CACNA1S: variants seen among roughly 807,000 people sequenced by gnomAD.
CACNA1S encodes the protein voltage-dependent L-type calcium channel subunit alpha-1S.
Under a neutral mutation model 207.4 loss-of-function variants are expected in CACNA1S, and 126 were observed. The observed-to-expected ratio is 0.61, with a 90% CI of 0.53 to 0.70. The LOEUF is 0.70. Ranked by LOEUF, CACNA1S falls within the 30% of genes least tolerant of loss-of-function variation. The pLI is 0.00. For synonymous variants in CACNA1S, 960 were observed against 932.7 expected, an observed-to-expected ratio of 1.03 and a Z score of -0.53; for missense variants, 2,349 against 2,422.8, an observed-to-expected ratio of 0.97 and a Z score of 0.64.
chr1:201,095,121 G>GGTGTGTTT (rs1662371498), intron 2 of CACNA1S, among the ~76,000 whole-genome samples: 1 of 148,860 alleles, frequency 6.7e-6, no homozygotes, highest in African/African-American at 2.5e-5. Context: ...AGCTCCAGGA[G>GGTGTGTTT]GTGTGTGTGT....
chr1:201,060,530 A>G (rs1486536191), intron 26 of CACNA1S, 128 bp downstream of exon 26: 2 of 963,526 alleles, frequency 2.1e-6, no homozygotes, highest in Non-Finnish European at 3.3e-6. Context: ...TCCATGTAGC[A>G]CCTCAGCACA....
intron 28 of CACNA1S, among the ~76,000 whole-genome samples, chr1:201,058,126 C>G (rs542480336): frequency 6.6e-6 from 1 of 152,208 alleles, no homozygotes; most frequent in Non-Finnish European, 1.5e-5. Context: ...CTCCATGAAG[C>G]CTTCTCTGAC....
At chr1:201,079,711 C>T (rs1005381728) in intron 10 of CACNA1S, among the ~76,000 whole-genome samples, 5 of 152,162 alleles carry the variant, frequency 3.3e-5, no homozygotes, top group African/African-American at 9.7e-5. Context: ...TTGCCCCAAA[C>T]ATTGAAAGGA....
chr1:201,058,547 T>C (rs1660929243), intron 27 of CACNA1S, 56 bp from the exon 28 acceptor site: 2 of 1,381,190 alleles, frequency 1.4e-6, no homozygotes, highest in Admixed American at 1.7e-5. Context: ...GAAGGAGCTC[T>C]GGCTGCTGGC....
chr1:201,073,013 C>A (rs1278457587), intron 15 of CACNA1S, among the ~76,000 whole-genome samples, 189 bp from the exon 16 acceptor site: 6 of 152,218 alleles, frequency 3.9e-5, no homozygotes, highest in Non-Finnish European at 7.3e-5. Flanking sequence ...AGACAACTTG[C>A]AAAAGCTCCC....
At chr1:201,107,018 G>C (rs1662919778) in intron 2 of CACNA1S, among the ~76,000 whole-genome samples, 1 of 152,196 alleles carries the variant, frequency 6.6e-6, no homozygotes, top group South Asian at 2.1e-4. Flanking sequence ...AAGTGGCCCA[G>C]GACCCCAGAG....
chr1:201,061,798 AC>A (rs1572035632), intron 24 of CACNA1S, 145 bp downstream of exon 24: 1 of 937,876 alleles, frequency 1.1e-6, no homozygotes, highest in East Asian at 2.5e-5. Context: ...CAGTCAACAT[AC>A]CATCAAACCA....
rs1418987899 is a variant in CACNA1S at position 201,077,932 on chromosome 1, C to T, written c.1566G>A (p.Leu522=). 1 of 1,614,112 alleles carries T rather than the reference C, an allele frequency of 6.2e-7. No homozygotes were observed. Among genetic ancestry groups the T allele is most frequent in the Non-Finnish European group, 8.5e-7 (1 of 1,179,972 alleles). ...LLVESGAMTP[L]GISVLRCIRL... is the part of the protein sequence containing the mutation. ...GGATGCAGCGGAGCACGGAGATGCC[C>T]AGGGGTGTCATGGCACCCGACTCCA... The change falls in exon 11 of 44, where the codon CTG becomes CTA. Residue 522 remains leucine, a synonymous_variant. Transcript: ENST00000362061.
At chr1:201,056,812 T>C (rs117919460) in intron 28 of CACNA1S, among the ~76,000 whole-genome samples, 3,050 of 152,264 alleles carry the variant, frequency 0.02, 104 homozygotes, top group East Asian at 0.12. Context: ...TTTCATCCCC[T>C]TCATAAGGCA....
intron 21 of CACNA1S, 38 bp from the exon 22 acceptor site, chr1:201,065,983 C>A: frequency 1.4e-6 from 2 of 1,403,746 alleles, no homozygotes; most frequent in Non-Finnish European, 2.0e-6. Context: ...GGGGGTGCAC[C>A]CACAGTAACC....
rs1264794005 is a variant in CACNA1S, at chr1:201,112,182, G to A, written c.152+6C>T. ...CCCCCCCCACGGCCCGGGCCCTGAA[G>A]GATACTTCCATTCTACAATGCTGAT... On this transcript the variant is annotated splice_donor_region_variant and intron_variant, in intron 1 of 43. Coordinates refer to ENST00000362061, the MANE Select transcript of CACNA1S (RefSeq NM_000069.3). 2 of 1,612,638 alleles carry A rather than the reference G, an allele frequency of 1.2e-6. No individual in the cohort carries two copies. Among genetic ancestry groups the A allele is most frequent in the South Asian group, 1.1e-5 (1 of 91,034 alleles).
intron 33 of CACNA1S, 114 bp downstream of exon 33, chr1:201,050,870 C>A (rs1660623694): frequency 8.9e-7 from 1 of 1,126,348 alleles, no homozygotes; most frequent in African/African-American, 1.5e-5. Context: ...CCTCCTGCGT[C>A]CCCGAGATGA....
In CACNA1S at chr1:201,040,698, G is replaced by T; in HGVS notation, c.5150C>A (p.Pro1717His). ...CAGTCCCTTCAGCATCTCCACACAG[G>T]GTTTGCTGTGGGGTCCTGTATGCAA... ...PCRVLGPHSK[P>H]CVEMLKGLLT... Residue 1717 changes from proline to histidine, a missense_variant, in exon 42 of 44, where the codon CCC (proline) becomes CAC (histidine). Physicochemically the swap from Pro to His is moderately conservative, Grantham distance 77. Coordinates refer to ENST00000362061, the MANE Select transcript of CACNA1S (RefSeq NM_000069.3). The T allele has an allele frequency of 6.2e-7, 1 of 1,613,910 alleles. No homozygotes were observed. Among genetic ancestry groups the T allele is most frequent in the East Asian group, 2.2e-5 (1 of 44,862 alleles).
chr1:201,052,465 A>G (rs1247673112), intron 32 of CACNA1S, 92 bp downstream of exon 32: 6 of 1,014,344 alleles, frequency 5.9e-6, no homozygotes, highest in Non-Finnish European at 9.4e-6. Flanking sequence ...TCACACACCC[A>G]TGAAGCCAGC....
intron 16 of CACNA1S, among the ~76,000 whole-genome samples, chr1:201,072,215 A>G (rs1371192411): frequency 3.9e-5 from 6 of 152,064 alleles, no homozygotes; most frequent in African/African-American, 1.4e-4. Context: ...TGCATTTATG[A>G]GATGTTTGTG....
intron 22 of CACNA1S, among the ~76,000 whole-genome samples, chr1:201,065,222 G>T (rs1661199691): frequency 6.6e-6 from 1 of 152,214 alleles, no homozygotes; most frequent in Non-Finnish European, 1.5e-5. Context: ...TTCAGTTGAA[G>T]CAAATTCACT....
At chr1:201,062,136 C>G in intron 23 of CACNA1S, 46 bp from the exon 24 acceptor site, 2 of 1,600,604 alleles carry the variant, frequency 1.2e-6, no homozygotes, top group East Asian at 2.3e-5. Flanking sequence ...GGCTGGGCTG[C>G]CTTGCCCCAC....
At chr1:201,091,317 A>G (rs1424132944) in intron 5 of CACNA1S, among the ~76,000 whole-genome samples, 1 of 152,248 alleles carries the variant, frequency 6.6e-6, no homozygotes, top group Non-Finnish European at 1.5e-5. Flanking sequence ...GTACACATAG[A>G]AATTCAAGCT....
chr1:201,104,965 C>G (rs1179074515), intron 2 of CACNA1S, among the ~76,000 whole-genome samples: 1 of 152,244 alleles, frequency 6.6e-6, no homozygotes, highest in African/African-American at 2.4e-5. Context: ...GCCTCATGGG[C>G]ATTCAGTGTG....
Sources: gnomAD v4.1 joint callset for allele counts (sites outside exome capture counted in the v4.1 genomes callset) on GRCh38, gnomAD v4.1.1 for gene constraint, MANE v1.5 for transcripts, NCBI Gene and HGNC (gene_info 2026-07-23, HGNC 2026-07-21) for gene names.